PPP2R2B: variants seen among roughly 807,000 people sequenced by gnomAD.
PPP2R2B encodes the protein protein phosphatase 2 regulatory subunit Bbeta, also known as serine/threonine-protein phosphatase 2A 55 kDa regulatory subunit B beta isoform.
A neutral mutation model predicts 46.0 loss-of-function variants in PPP2R2B; 5 were observed. The ratio of observed to expected loss-of-function variants is 0.11; its 90% CI spans 0.06 to 0.23. The LOEUF (loss-of-function observed/expected upper bound fraction) is 0.23. Among genes scored for constraint, PPP2R2B ranks in the 10% least tolerant of loss-of-function variants. The probability of loss-of-function intolerance (pLI) is 1.00; values close to 1 mark genes in which losing one functional copy is unlikely to be tolerated. For missense variants in PPP2R2B, 367 were observed against 575.0 expected, an observed-to-expected ratio of 0.64 and a Z score of 3.70; for synonymous variants, 215 against 206.7, an observed-to-expected ratio of 1.04 and a Z score of -0.34.
chr5:146,850,224 A>G (rs1760260114), intron 2 of PPP2R2B, among the ~76,000 whole-genome samples: 2 of 152,140 alleles, frequency 1.3e-5, no homozygotes, highest in Non-Finnish European at 2.9e-5. Flanking sequence ...ACGTGGGCAT[A>G]TATTATGTAC....
chr5:146,817,039 C>T (rs1001405425), intron 2 of PPP2R2B, among the ~76,000 whole-genome samples: 10 of 152,246 alleles, frequency 6.6e-5, no homozygotes, highest in Non-Finnish European at 1.2e-4. Context: ...TTGTGATGAG[C>T]GTTGCTCTTG....
Position 146,710,794 on chromosome 5 carries a change from C to T in PPP2R2B, c.71-9652G>A, listed in dbSNP as rs112845004. On this transcript the variant is annotated intron_variant, in intron 2 of 9. Coordinates refer to ENST00000394411, the MANE Select transcript of PPP2R2B (RefSeq NM_181675.4). ...TCCAGGTCCAAAATGAGAAAGTTCT[C>T]ACATCTGTGGGGGAATGGGAGTTCT... 1.9e-3 allele frequency among the ~76,000 whole-genome samples: 286 copies of T among 152,362 alleles called. 1 individual carries two copies. The highest frequency in any genetic ancestry group is 6.3e-3 in the African/African-American group (264 of 41,576).
At chr5:146,943,939 T>C (rs1764401757) in intron 1 of PPP2R2B, among the ~76,000 whole-genome samples, 1 of 152,208 alleles carries the variant, frequency 6.6e-6, no homozygotes, top group East Asian at 1.9e-4. Context: ...GGTGGGTGAT[T>C]CTGTCTATTC....
intron 1 of PPP2R2B, among the ~76,000 whole-genome samples, chr5:146,885,481 G>A (rs1762292228): frequency 6.6e-6 from 1 of 152,208 alleles, no homozygotes; most frequent in Admixed American, 6.5e-5. Flanking sequence ...TTGTGTTGGT[G>A]AGGATGTGGC....
intron 1 of PPP2R2B, among the ~76,000 whole-genome samples, chr5:146,889,056 C>T (rs1004125601): frequency 1.3e-5 from 2 of 152,172 alleles, no homozygotes; most frequent in Admixed American, 1.3e-4. Context: ...GCTTTATATG[C>T]AGTACCTGGA....
At chr5:146,692,159 AG>A (rs774401876) in intron 4 of PPP2R2B, among the ~76,000 whole-genome samples, 3 of 152,242 alleles carry the variant, frequency 2.0e-5, no homozygotes, top group Non-Finnish European at 2.9e-5. Context: ...GGCACACAAT[AG>A]CTGCTCAATA....
At position 146,691,110 on chromosome 5, in the gene PPP2R2B, G is replaced by C. The variant is rs751014580; in HGVS notation, c.447+18C>G. ...CCTGCCCCTGACTGTGGTGGCCAGG[G>C]CAGCTGTTTGCACTCACCCGCAGGG... On this transcript the variant is annotated intron_variant, in intron 5 of 9. Transcript: ENST00000394411. 1.2e-6 allele frequency: 2 copies of C among 1,607,922 alleles called. No individual in the cohort carries two copies. The highest frequency in any genetic ancestry group is 2.2e-5 in the South Asian group (2 of 90,778).
intron 2 of PPP2R2B, among the ~76,000 whole-genome samples, chr5:146,815,301 A>G (rs1757864097): frequency 6.6e-6 from 1 of 152,252 alleles, no homozygotes; most frequent in Non-Finnish European, 1.5e-5. Context: ...AGTTAATTAC[A>G]AAACCCGGAT....
intron 2 of PPP2R2B, among the ~76,000 whole-genome samples, chr5:146,784,649 G>A (rs1242497891): frequency 1.3e-5 from 2 of 152,146 alleles, no homozygotes; most frequent in Non-Finnish European, 2.9e-5. Context: ...TATTAAAAGT[G>A]CTAGTTCAAG....
At chr5:146,959,794 G>T (rs893828935) in intron 1 of PPP2R2B, among the ~76,000 whole-genome samples, 7 of 152,120 alleles carry the variant, frequency 4.6e-5, no homozygotes, top group Non-Finnish European at 7.4e-5. Context: ...TCTGTGCAAG[G>T]CTTTCCAGGT....
intron 1 of PPP2R2B, among the ~76,000 whole-genome samples, chr5:146,934,080 A>G (rs1005434323): frequency 2.2e-4 from 33 of 152,200 alleles, no homozygotes; most frequent in African/African-American, 7.9e-4. Flanking sequence ...CAAGTCTATC[A>G]TTCTTGGACA....
At chr5:146,811,646 C>T (rs553211062) in intron 2 of PPP2R2B, among the ~76,000 whole-genome samples, 2 of 149,518 alleles carry the variant, frequency 1.3e-5, no homozygotes, top group South Asian at 2.2e-4. Flanking sequence ...CTGCAACCTC[C>T]ACCTCCCGGG....
chr5:146,912,853 C>T (rs1382605887), intron 1 of PPP2R2B, among the ~76,000 whole-genome samples: 2 of 152,128 alleles, frequency 1.3e-5, no homozygotes, highest in Non-Finnish European at 2.9e-5. Context: ...TAATTCATAA[C>T]AAACACCAAG....
chr5:146,738,903 ATGATAGTCCC>A (rs1312165768), intron 2 of PPP2R2B, among the ~76,000 whole-genome samples: 2 of 152,244 alleles, frequency 1.3e-5, no homozygotes, highest in East Asian at 3.8e-4. Context: ...AACTGTGAAT[ATGATAGTCCC>A]TGCCATTGAG....
At chr5:146,684,295 G>C (rs529747941) in intron 5 of PPP2R2B, among the ~76,000 whole-genome samples, 6 of 152,164 alleles carry the variant, frequency 3.9e-5, no homozygotes, top group Non-Finnish European at 7.4e-5. Flanking sequence ...AGCATATACC[G>C]AAAATTAAAA....
chr5:146,999,908 C>A (rs1332488667), intron 1 of PPP2R2B, among the ~76,000 whole-genome samples: 4 of 152,190 alleles, frequency 2.6e-5, no homozygotes, highest in Non-Finnish European at 4.4e-5. Context: ...ACTTGAACTT[C>A]CATCAGCTTC....
intron 1 of PPP2R2B, among the ~76,000 whole-genome samples, chr5:147,023,883 G>A (rs544379100): frequency 6.6e-6 from 1 of 151,772 alleles, no homozygotes; most frequent in Admixed American, 6.6e-5. Context: ...CCTGGAGATG[G>A]GACATCCATC....
At chr5:146,776,414 C>T (rs549759944) in intron 2 of PPP2R2B, among the ~76,000 whole-genome samples, 1 of 152,116 alleles carries the variant, frequency 6.6e-6, no homozygotes, top group South Asian at 2.1e-4. Flanking sequence ...ATACTCTCCT[C>T]AACAAATGGT....
chr5:146,925,548 C>T (rs1763755209), intron 1 of PPP2R2B, among the ~76,000 whole-genome samples: 1 of 152,180 alleles, frequency 6.6e-6, no homozygotes. Flanking sequence ...TGCTATTCTT[C>T]TTGCTGCTTT....
Sources: gnomAD v4.1 joint callset for allele counts (sites outside exome capture counted in the v4.1 genomes callset) on GRCh38, gnomAD v4.1.1 for gene constraint, MANE v1.5 for transcripts, NCBI Gene and HGNC (gene_info 2026-07-23, HGNC 2026-07-21) for gene names.